The following ANXA3 variants were observed in gnomAD, a reference collection of about 807,000 sequenced individuals.
The protein encoded by ANXA3 is 35-alpha calcimedin.
Under a neutral mutation model 48.8 loss-of-function variants are expected in ANXA3, and 46 were observed. The ratio of observed to expected loss-of-function variants is 0.94; its 90% CI spans 0.74 to 1.21. The LOEUF is 1.21. Among genes scored for constraint, ANXA3 ranks in the 50% most tolerant of loss-of-function variants. The pLI is 0.00. For synonymous variants in ANXA3, 128 were observed against 134.7 expected, an observed-to-expected ratio of 0.95 and a Z score of 0.35; for missense variants, 383 against 378.6, an observed-to-expected ratio of 1.01 and a Z score of -0.10.
chr4:78,589,194 G>A (rs1000978663), intron 6 of ANXA3, among the ~76,000 whole-genome samples: 4 of 152,184 alleles, frequency 2.6e-5, no homozygotes, highest in Non-Finnish European at 5.9e-5. Context: ...TCAAAATTGA[G>A]GTTAAGGTCT....
At chr4:78,596,250 C>G (rs1237292405) in intron 9 of ANXA3, among the ~76,000 whole-genome samples, 1 of 152,226 alleles carries the variant, frequency 6.6e-6, no homozygotes, top group Non-Finnish European at 1.5e-5. Context: ...TAGTTAGCCA[C>G]TTCCAGAAAA....
intron 6 of ANXA3, among the ~76,000 whole-genome samples, chr4:78,587,938 C>CA (rs1027636682): frequency 7.2e-5 from 11 of 151,974 alleles, no homozygotes; most frequent in African/African-American, 2.7e-4. Context: ...CTAAAAAATA[C>CA]AAAAAAAGTT....
At chr4:78,552,240 A>G (rs13137102) in intron 1 of ANXA3, 41,885 of 152,292 alleles carry the variant, frequency 0.28, 6,387 homozygotes, top group Non-Finnish European at 0.34. Context: ...CTAAAGGTCT[A>G]GGGGACAGAA....
At chr4:78,590,974 G>A (rs886809184) in intron 6 of ANXA3, among the ~76,000 whole-genome samples, 1 of 152,078 alleles carries the variant, frequency 6.6e-6, no homozygotes, top group Admixed American at 6.6e-5. Context: ...TATCTTCACA[G>A]TCCAAGATGG....
chr4:78,578,902 G>A, intron 3 of ANXA3, 125 bp from the exon 4 acceptor site: 2 of 387,858 alleles, frequency 5.2e-6, no homozygotes, highest in Admixed American at 4.5e-5. Flanking sequence ...ATTCCAACCA[G>A]ATAAGATGCT....
At chr4:78,579,166 T>A (rs777425832) in intron 4 of ANXA3, 45 bp downstream of exon 4, 1 of 1,376,716 alleles carries the variant, frequency 7.3e-7, no homozygotes, top group Non-Finnish European at 1.0e-6. Flanking sequence ...ATCATTAATG[T>A]ACCATGGTCG....
chr4:78,575,721 A>C lies in ANXA3; in HGVS notation c.103+2454A>C, dbSNP rs557872633. Among the ~76,000 whole-genome samples the C allele has an allele frequency of 6.6e-5, 10 of 152,348 alleles. No individual in the cohort carries two copies. In the South Asian group the frequency reaches 2.1e-3, roughly 32 times the overall value. ...GTTACAGTAATTTTTATTGCATAGA[A>C]GTTTTAAATTTTAGTGAAATCAAGT... On this transcript the variant is annotated intron_variant, in intron 3 of 12. Transcript: ENST00000264908.
intron 7 of ANXA3, among the ~76,000 whole-genome samples, chr4:78,593,625 C>CATTATTATTATTATTATTATTATTATT (rs568701695): frequency 8.8e-5 from 13 of 146,936 alleles, no homozygotes; most frequent in African/African-American, 3.3e-4. Context: ...CTTTCCTTTC[C>CATTATTATTATTATTATTATTATTATT]ATTATTATTA....
chr4:78,598,834 CT>C (rs200442246), intron 10 of ANXA3, among the ~76,000 whole-genome samples: 2,056 of 152,212 alleles, frequency 0.014, 57 homozygotes, highest in African/African-American at 0.047. Flanking sequence ...GCCACCACCC[CT>C]GGCCTATATT....
chr4:78,582,360 A>T lies in ANXA3; in HGVS notation c.312+70A>T. 4 of 1,047,594 alleles carry T rather than the reference A, an allele frequency of 3.8e-6. No individual in the cohort carries two copies. In the South Asian group the frequency reaches 5.3e-5, roughly 14 times the overall value. 64.9% of individuals were successfully genotyped at this position (1,047,594 alleles called of 1,614,324 possible). A position where few individuals can be genotyped will look rare whatever the true frequency, so the allele number is the denominator to read the frequency against. ...TCATCAAAAATAGTGACTTTCTTGC[A>T]GTGCACACTTGTGATGGGTGGACTT... On this transcript the variant is annotated intron_variant, in intron 5 of 12. Coordinates refer to ENST00000264908, the MANE Select transcript of ANXA3 (RefSeq NM_005139.3).
intron 2 of ANXA3, among the ~76,000 whole-genome samples, chr4:78,555,293 A>C (rs1485973704): frequency 5.9e-5 from 9 of 152,190 alleles, no homozygotes; most frequent in Non-Finnish European, 1.2e-4. Context: ...CACAAAACCA[A>C]ACGCCTAAAA....
At position 78,573,168 on chromosome 4, in the gene ANXA3, A is replaced by G. The variant is rs370193019; in HGVS notation, c.16-12A>G. The G allele has an allele frequency of 2.5e-6, 4 of 1,594,238 alleles. No homozygotes were observed. The highest frequency in any genetic ancestry group is 3.4e-6 in the Non-Finnish European group (4 of 1,162,308). On this transcript the variant is annotated splice_polypyrimidine_tract_variant and intron_variant, in intron 2 of 12. Coordinates refer to ENST00000264908, the MANE Select transcript of ANXA3 (RefSeq NM_005139.3). ...TTTTGAACCAATGGGACTTTCAAGT[A>G]TTTCCTTCTAGGTTGGACACCGAGG...
At chr4:78,595,095 G>A (rs933401572) in intron 7 of ANXA3, among the ~76,000 whole-genome samples, 1 of 152,218 alleles carries the variant, frequency 6.6e-6, no homozygotes, top group Non-Finnish European at 1.5e-5. Flanking sequence ...TATGACTGCA[G>A]GACTACACTC....
rs1389358346 is a variant in ANXA3, at chr4:78,586,303, C to A, written c.356C>A (p.Thr119Asn). Residue 119 changes from threonine (T) to asparagine (N), a missense_variant, in exon 6 of 13, where the codon ACC becomes AAC. Thr to Asn is a moderately conservative substitution (Grantham distance 65, BLOSUM62 0). Transcript: ENST00000264908. The part of the protein sequence containing the change: ...NEDALIEILT[T>N]RTSRQMKDIS... ...GATGCCTTGATTGAAATCTTAACTA[C>A]CAGGACAAGCAGGCAAATGAAGGAT... is the stretch of plus-strand genomic sequence containing the variant. 6.2e-7 allele frequency: 1 copy of A among 1,613,662 alleles called. No individual in the cohort carries two copies. The highest frequency in any genetic ancestry group is 1.1e-5 in the South Asian group (1 of 91,054).
intron 10 of ANXA3, among the ~76,000 whole-genome samples, 196 bp downstream of exon 10, chr4:78,597,610 T>C (rs1260562460): frequency 1.3e-5 from 2 of 152,120 alleles, no homozygotes; most frequent in African/African-American, 4.8e-5. Flanking sequence ...TTTTTTTAAG[T>C]CTTTTTTCTT....
chr4:78,595,222 C>G (rs1399928633), intron 7 of ANXA3, among the ~76,000 whole-genome samples, 159 bp from the exon 8 acceptor site: 1 of 152,186 alleles, frequency 6.6e-6, no homozygotes, highest in Non-Finnish European at 1.5e-5. Flanking sequence ...CATGACTAGT[C>G]AATGGCAGAA....
chr4:78,553,274 G>C (rs1345028253), intron 1 of ANXA3, among the ~76,000 whole-genome samples: 2 of 152,156 alleles, frequency 1.3e-5, no homozygotes, highest in East Asian at 3.8e-4. Flanking sequence ...GCAAAACGAA[G>C]ATGTAATACC....
chr4:78,573,360 A>G, intron 3 of ANXA3, 93 bp downstream of exon 3: 2 of 871,616 alleles, frequency 2.3e-6, no homozygotes, highest in Non-Finnish European at 3.7e-6. Flanking sequence ...GGCTTACTCA[A>G]TTTAATAAAT....
chr4:78,595,705 C>A, intron 8 of ANXA3, 89 bp from the exon 9 acceptor site: 1 of 850,890 alleles, frequency 1.2e-6, no homozygotes. Flanking sequence ...GATGATGGCA[C>A]TGACCTCTGA....
Sources: allele counts gnomAD v4.1 joint callset (sites outside exome capture counted in the v4.1 genomes callset), GRCh38; gene constraint gnomAD v4.1.1; transcripts MANE v1.5; gene names NCBI Gene and HGNC (gene_info 2026-07-23, HGNC 2026-07-21).